Variants in VPS13A observed in about 807,000 individuals in gnomAD.
VPS13A encodes the protein vacuolar protein sorting 13 homolog A.
Under a neutral mutation model 390.9 loss-of-function variants are expected in VPS13A, and 264 were observed. The observed-to-expected ratio is 0.68, with a 90% CI of 0.61 to 0.75. The LOEUF is 0.75. VPS13A is among the 30% of genes least tolerant of loss of function. The pLI is 0.00. For synonymous variants in VPS13A, 1,231 were observed against 1,227.1 expected (o/e 1.00, Z -0.07); for missense variants, 3,409 against 3,733.9 (o/e 0.91, Z 2.27).
At chr9:77,393,402 C>T (rs945936457) in intron 68 of VPS13A, among the ~76,000 whole-genome samples, 2 of 152,182 alleles carry the variant, frequency 1.3e-5, no homozygotes, top group Admixed American at 6.5e-5. Context: ...ATATTTTGAC[C>T]TCGTCTTATT....
chr9:77,383,853 G>GT (rs1260895821), intron 68 of VPS13A, among the ~76,000 whole-genome samples: 3 of 151,900 alleles, frequency 2.0e-5, no homozygotes, highest in Non-Finnish European at 2.9e-5. Context: ...CATTTACACA[G>GT]TATTAGCTGA....
chr9:77,274,449 A>G (rs1019535452), intron 24 of VPS13A, among the ~76,000 whole-genome samples: 5 of 150,782 alleles, frequency 3.3e-5, no homozygotes, highest in African/African-American at 1.2e-4. Context: ...AAAAAAAATG[A>G]CAGGGACCAC....
chr9:77,219,420 A>G (rs907603288), intron 10 of VPS13A, among the ~76,000 whole-genome samples: 2 of 152,148 alleles, frequency 1.3e-5, no homozygotes, highest in Non-Finnish European at 2.9e-5. Context: ...CACCAAACAC[A>G]AAGAGTTGAG....
chr9:77,298,193 A>C (rs1178450502), intron 33 of VPS13A, among the ~76,000 whole-genome samples: 1 of 152,176 alleles, frequency 6.6e-6, no homozygotes, highest in African/African-American at 2.4e-5. Flanking sequence ...CTACATGGAG[A>C]GATCTTGAAA....
At chr9:77,371,248 GT>G in intron 67 of VPS13A, 99 bp downstream of exon 67, 1 of 1,530,376 alleles carries the variant, frequency 6.5e-7, no homozygotes, top group Non-Finnish European at 8.9e-7. Context: ...TATTGTCTTT[GT>G]TTTGTGCTGC....
chr9:77,305,173 C>T (rs1484981587), intron 34 of VPS13A, among the ~76,000 whole-genome samples: 3 of 152,056 alleles, frequency 2.0e-5, no homozygotes, highest in African/African-American at 7.2e-5. Context: ...CTCCTGACCT[C>T]GTGATCCACC....
chr9:77,313,196 A>G (rs1829194305), intron 35 of VPS13A, among the ~76,000 whole-genome samples: 1 of 152,212 alleles, frequency 6.6e-6, no homozygotes, highest in South Asian at 2.1e-4. Context: ...CTCCATTTAT[A>G]TGGAATTTAA....
chr9:77,332,509 A>T (rs912563693), intron 46 of VPS13A, among the ~76,000 whole-genome samples: 8 of 151,758 alleles, frequency 5.3e-5, no homozygotes, highest in African/African-American at 1.7e-4. Flanking sequence ...ACAATATTTT[A>T]TCCTTTTCTT....
At chr9:77,235,204 TC>T (rs1824075516) in intron 17 of VPS13A, among the ~76,000 whole-genome samples, 2 of 152,214 alleles carry the variant, frequency 1.3e-5, no homozygotes, top group Admixed American at 6.5e-5. Context: ...CTTTAGGACT[TC>T]CTTTAACCTT....
chr9:77,180,608 T>TA (rs2131041206), intron 1 of VPS13A, among the ~76,000 whole-genome samples: 1 of 152,358 alleles, frequency 6.6e-6, no homozygotes, highest in South Asian at 2.1e-4. Flanking sequence ...AGGTGTGTGA[T>TA]ATGTGTTGAA....
intron 70 of VPS13A, among the ~76,000 whole-genome samples, chr9:77,406,956 T>A (rs929451653): frequency 1.2e-4 from 18 of 152,260 alleles, no homozygotes; most frequent in African/African-American, 4.3e-4. Flanking sequence ...CTACCAATAC[T>A]AAACATAATA....
intron 68 of VPS13A, among the ~76,000 whole-genome samples, chr9:77,394,209 C>T (rs1025966720): frequency 1.7e-4 from 25 of 150,626 alleles, no homozygotes; most frequent in Non-Finnish European, 2.9e-4. Context: ...AGACTACAGG[C>T]ATGTGCCACC....
At chr9:77,221,491 C>A in intron 13 of VPS13A, 135 bp downstream of exon 13, 1 of 904,958 alleles carries the variant, frequency 1.1e-6, no homozygotes, top group Non-Finnish European at 1.7e-6. Context: ...CTTTTTTGTG[C>A]TTCTGTTCTT....
At chr9:77,234,138 C>A (rs1027097162) in intron 17 of VPS13A, among the ~76,000 whole-genome samples, 1 of 152,008 alleles carries the variant, frequency 6.6e-6, no homozygotes, top group African/African-American at 2.4e-5. Context: ...ACCTTTTCTT[C>A]TTGTCACAGT....
intron 59 of VPS13A, among the ~76,000 whole-genome samples, chr9:77,363,198 A>G (rs1832236656): frequency 1.3e-5 from 2 of 151,848 alleles, no homozygotes; most frequent in Non-Finnish European, 1.5e-5. Flanking sequence ...TGGAGGGTAA[A>G]TTTTCAGTCT....
intron 39 of VPS13A, 79 bp downstream of exon 39, chr9:77,316,485 C>T: frequency 8.3e-7 from 1 of 1,204,446 alleles, no homozygotes; most frequent in South Asian, 1.3e-5. Flanking sequence ...ACAAAAACTA[C>T]CTACATGCTT....
chr9:77,210,635 C>T lies in VPS13A; in HGVS notation c.515C>T (p.Pro172Leu), dbSNP rs772689261. 3.3e-5 allele frequency: 53 copies of T among 1,613,618 alleles called. No homozygotes were observed. Among genetic ancestry groups the T allele is most frequent in the East Asian group, 6.7e-5 (3 of 44,864 alleles). Residue 172 changes from proline (P) to leucine (L), a missense_variant, in exon 7 of 72, where the codon CCG (proline) becomes CTG (leucine). Coordinates refer to ENST00000360280, the MANE Select transcript of VPS13A (RefSeq NM_033305.3). ...CTTTAGATCACAAATCGGGACAAAC[C>T]GCTGTCATTTGGTATTTCCCTTCAA... The part of the protein sequence containing the change: ...YEDDITNRDK[P>L]LSFGISLQNL...
At chr9:77,401,989 G>A (rs56258462) in intron 68 of VPS13A, among the ~76,000 whole-genome samples, 2,449 of 152,268 alleles carry the variant, frequency 0.016, 34 homozygotes, top group Non-Finnish European at 0.026. Context: ...AGGGCTCAGT[G>A]CTGTCTGTGG....
At chr9:77,377,981 TAAAC>T (rs1294741818) in intron 67 of VPS13A, among the ~76,000 whole-genome samples, 2 of 152,242 alleles carry the variant, frequency 1.3e-5, no homozygotes, top group East Asian at 3.8e-4. Flanking sequence ...AGTCAGATCT[TAAAC>T]TAATATTGCA....
Sources: allele counts gnomAD v4.1 joint callset (sites outside exome capture counted in the v4.1 genomes callset), GRCh38; gene constraint gnomAD v4.1.1; transcripts MANE v1.5; gene names NCBI Gene and HGNC (gene_info 2026-07-23, HGNC 2026-07-21).